Variants in SDK1 observed in about 807,000 individuals in gnomAD.
SDK1 encodes the protein protein sidekick-1.
SDK1 carries 157 observed loss-of-function variants against 245.5 expected under a neutral mutation model. The observed-to-expected ratio is 0.64, with a 90% CI of 0.56 to 0.73. The LOEUF is 0.73. Ranked by LOEUF, SDK1 falls within the 30% of genes least tolerant of loss-of-function variation. SDK1 has a pLI of 0.00. For synonymous variants in SDK1, 1,647 were observed against 1,278.5 expected (o/e 1.29, Z -6.15); for missense variants, 3,583 against 3,002.3 (o/e 1.19, Z -4.52).
At position 3,799,923 on chromosome 7, in the gene SDK1, C is replaced by T. The variant is rs148934812; in HGVS notation, c.714-21527C>T. On this transcript the variant is annotated intron_variant, in intron 4 of 44. Transcript: ENST00000404826. ...TTATTCTATGCTTTTCTTTCTTTGT[C>T]TCCTGGGTGAAGTTTTGGGTCCTTG... Among the ~76,000 whole-genome samples the T allele has an allele frequency of 3.2e-3, 486 of 152,116 alleles. 3 individuals are homozygous for T. Among genetic ancestry groups the T allele is most frequent in the African/African-American group, 0.011 (470 of 41,486 alleles).
At chr7:3,687,565 A>T (rs1583308072) in intron 4 of SDK1, among the ~76,000 whole-genome samples, 1 of 152,208 alleles carries the variant, frequency 6.6e-6, no homozygotes, top group African/African-American at 2.4e-5. Flanking sequence ...GTCGATGCAC[A>T]CGGCAACTTG....
chr7:3,433,826 A>G (rs903407957), intron 1 of SDK1, among the ~76,000 whole-genome samples: 4 of 152,212 alleles, frequency 2.6e-5, no homozygotes, highest in African/African-American at 7.2e-5. Context: ...AAGCTTGACA[A>G]CCTTACAGAG....
At chr7:4,149,666 C>A (rs914633112) in intron 30 of SDK1, among the ~76,000 whole-genome samples, 2 of 152,180 alleles carry the variant, frequency 1.3e-5, no homozygotes, top group African/African-American at 4.8e-5. Context: ...CACCCCCAGC[C>A]GCTTCCCGGA....
chr7:4,094,823 A>C (rs577420435), intron 22 of SDK1, among the ~76,000 whole-genome samples: 1 of 152,214 alleles, frequency 6.6e-6, no homozygotes, highest in Non-Finnish European at 1.5e-5. Flanking sequence ...GTAAGGATCC[A>C]TAAAGGCAGA....
intron 1 of SDK1, among the ~76,000 whole-genome samples, chr7:3,504,182 A>ATATATGTGTGTGTGTGTG (rs375661314): frequency 1.2e-4 from 16 of 131,886 alleles, no homozygotes; most frequent in African/African-American, 4.2e-4. Flanking sequence ...ATATATATAT[A>ATATATGTGTGTGTGTGTG]TGTGTGTGTG....
intron 5 of SDK1, among the ~76,000 whole-genome samples, chr7:3,828,653 TTTTTTTTTTTTTG>T (rs917919109): frequency 1.4e-4 from 3 of 21,964 alleles, no homozygotes; most frequent in African/African-American, 5.6e-4. Context: ...TTTGTTCTTT[TTTTTTTTTTTTTG>T]TTTTTTTGAC....
chr7:3,549,128 G>T (rs1779322607), intron 1 of SDK1, among the ~76,000 whole-genome samples: 3 of 152,226 alleles, frequency 2.0e-5, no homozygotes. Context: ...CGTAAAAAAT[G>T]AGCTGTGTGA....
At chr7:3,945,882 G>A (rs1346247465) in intron 5 of SDK1, among the ~76,000 whole-genome samples, 15 of 93,388 alleles carry the variant, frequency 1.6e-4, no homozygotes, top group Non-Finnish European at 2.1e-4. Flanking sequence ...CTGGGCAACA[G>A]AGCAAGACTC....
At chr7:3,848,519 G>T (rs1286128770) in intron 5 of SDK1, among the ~76,000 whole-genome samples, 1 of 152,116 alleles carries the variant, frequency 6.6e-6, no homozygotes, top group East Asian at 1.9e-4. Flanking sequence ...GAAGGAGGAC[G>T]CATGGAAGGT....
intron 5 of SDK1, among the ~76,000 whole-genome samples, chr7:3,921,156 C>G (rs1401472608): frequency 2.6e-5 from 4 of 152,076 alleles, no homozygotes; most frequent in Non-Finnish European, 5.9e-5. Context: ...ATTCTACAAC[C>G]CAGACATGTG....
intron 29 of SDK1, among the ~76,000 whole-genome samples, chr7:4,148,824 G>A (rs572887301): frequency 4.6e-5 from 7 of 152,216 alleles, no homozygotes; most frequent in African/African-American, 7.2e-5. Flanking sequence ...TTGGGAGGCC[G>A]AGGCAGGCGG....
Position 3,785,225 on chromosome 7 carries a change from C to A in SDK1, c.714-36225C>A, listed in dbSNP as rs755872852. 4.6e-5 allele frequency among the ~76,000 whole-genome samples: 7 copies of A among 151,916 alleles called. 1 individual carries two copies. Among genetic ancestry groups the A allele is most frequent in the Non-Finnish European group, 7.4e-5 (5 of 67,988 alleles). ...TGGGGGGAATAGGGAGGTGATGGTC[C>A]AAGAGTTAAAAGATCTCAGGCAAGA... On this transcript the variant is annotated intron_variant, in intron 4 of 44. Coordinates refer to ENST00000404826, the MANE Select transcript of SDK1 (RefSeq NM_152744.4).
chr7:3,776,870 A>G (rs1425009820), intron 4 of SDK1, among the ~76,000 whole-genome samples: 1 of 152,158 alleles, frequency 6.6e-6, no homozygotes, highest in Non-Finnish European at 1.5e-5. Context: ...TAACCACCAT[A>G]TAGTGAAACT....
At chr7:4,257,377 C>T (rs1448084269) in intron 44 of SDK1, among the ~76,000 whole-genome samples, 2 of 152,214 alleles carry the variant, frequency 1.3e-5, no homozygotes, top group Non-Finnish European at 2.9e-5. Flanking sequence ...CTTCACATCA[C>T]ACAGGAAACT....
intron 1 of SDK1, among the ~76,000 whole-genome samples, chr7:3,452,391 A>C (rs1053040737): frequency 6.6e-6 from 1 of 152,218 alleles, no homozygotes; most frequent in African/African-American, 2.4e-5. Flanking sequence ...GTACCCTTCC[A>C]TTAAAAACAG....
chr7:3,853,206 CT>C, intron 5 of SDK1, among the ~76,000 whole-genome samples: 1 of 152,258 alleles, frequency 6.6e-6, no homozygotes, highest in East Asian at 1.9e-4. Context: ...TGTACATTGA[CT>C]TTCCATTGCA....
chr7:4,161,467 C>T (rs1055337566), intron 31 of SDK1, among the ~76,000 whole-genome samples: 11 of 152,204 alleles, frequency 7.2e-5, no homozygotes, highest in Middle Eastern at 3.2e-3. Flanking sequence ...GACCTGAGCC[C>T]TGCAGGGAGG....
chr7:3,334,658 G>A (rs1442170281), intron 1 of SDK1, among the ~76,000 whole-genome samples: 1 of 152,150 alleles, frequency 6.6e-6, no homozygotes, highest in Non-Finnish European at 1.5e-5. Context: ...TTCCTGTCTT[G>A]CTGGTGGCAG....
chr7:3,949,548 T>G (rs1048550704), intron 5 of SDK1, among the ~76,000 whole-genome samples: 13 of 152,238 alleles, frequency 8.5e-5, no homozygotes, highest in African/African-American at 3.1e-4. Context: ...GAAGCCCAGA[T>G]GAAGCGTTTT....
Sources: gnomAD v4.1 joint callset for allele counts (sites outside exome capture counted in the v4.1 genomes callset) on GRCh38, gnomAD v4.1.1 for gene constraint, MANE v1.5 for transcripts, NCBI Gene and HGNC (gene_info 2026-07-23, HGNC 2026-07-21) for gene names.